SLC24A2: variants seen among roughly 807,000 people sequenced by gnomAD.
SLC24A2 encodes the protein sodium/potassium/calcium exchanger 2.
A neutral mutation model predicts 62.0 loss-of-function variants in SLC24A2; 36 were observed. The observed-to-expected ratio is 0.58, with a 90% CI of 0.44 to 0.77. The LOEUF is 0.77. SLC24A2 is among the 30% of genes least tolerant of loss of function. SLC24A2 has a pLI of 0.00. For synonymous variants in SLC24A2, 358 were observed against 294.0 expected, an observed-to-expected ratio of 1.22 and a Z score of -2.23; for missense variants, 846 against 817.9, an observed-to-expected ratio of 1.03 and a Z score of -0.42.
Position 19,662,090 on chromosome 9 carries a change from A to G in SLC24A2, c.931-39791T>C, listed in dbSNP as rs887128409. On this transcript the variant is annotated intron_variant, in intron 2 of 10. Coordinates refer to ENST00000341998, the MANE Select transcript of SLC24A2 (RefSeq NM_020344.4). ...TTTGATCTCTAGACAACTGCTGTCC[A>G]ACAGAAATAAAATGTGAACTGCACA... Among the ~76,000 whole-genome samples, 53 of 152,240 alleles carry G rather than the reference A, an allele frequency of 3.5e-4. 1 individual carries two copies. The highest frequency in any genetic ancestry group is 2.0e-4 in the Admixed American group (3 of 15,284).
At chr9:19,974,974 C>G in the SLC24A2 span, among the ~76,000 whole-genome samples, 4 of 152,236 alleles carry the variant, frequency 2.6e-5, no homozygotes, top group South Asian at 6.2e-4. Flanking sequence ...GAGGAAGGCT[C>G]CTTTTTATCA....
chr9:19,554,779 G>A (rs1317139418), intron 7 of SLC24A2, among the ~76,000 whole-genome samples: 2 of 152,124 alleles, frequency 1.3e-5, no homozygotes, highest in East Asian at 3.9e-4. Flanking sequence ...TGGGCCATGG[G>A]GTGGAGGAAC....
the SLC24A2 span, among the ~76,000 whole-genome samples, chr9:19,918,851 A>G: frequency 2.0e-5 from 3 of 152,164 alleles, no homozygotes; most frequent in Non-Finnish European, 4.4e-5. Context: ...AAGAACTTCT[A>G]GGAAACCACC....
At chr9:19,714,010 T>G (rs1476042732) in intron 2 of SLC24A2, among the ~76,000 whole-genome samples, 3 of 152,208 alleles carry the variant, frequency 2.0e-5, no homozygotes, top group Non-Finnish European at 4.4e-5. Flanking sequence ...TTAAATGAAG[T>G]TCCATAATAC....
the SLC24A2 span, among the ~76,000 whole-genome samples, chr9:19,913,385 C>T: frequency 6.6e-6 from 1 of 152,056 alleles, no homozygotes; most frequent in Non-Finnish European, 1.5e-5. Context: ...GCTGACTTGG[C>T]CAGAGTGGAT....
At chr9:20,271,752 G>C in the SLC24A2 span, among the ~76,000 whole-genome samples, 3 of 152,082 alleles carry the variant, frequency 2.0e-5, no homozygotes. Flanking sequence ...ACTCCGTTTT[G>C]TTATTAAAGA....
the SLC24A2 span, among the ~76,000 whole-genome samples, chr9:20,163,894 T>C: frequency 6.6e-6 from 1 of 152,168 alleles, no homozygotes; most frequent in Non-Finnish European, 1.5e-5. Flanking sequence ...GGATTCCCTA[T>C]TTAATAAATG....
chr9:19,717,679 C>T (rs1251677306), intron 2 of SLC24A2, among the ~76,000 whole-genome samples: 1 of 152,126 alleles, frequency 6.6e-6, no homozygotes, highest in Non-Finnish European at 1.5e-5. Flanking sequence ...TGTTCTGGGC[C>T]TAATCTATTG....
the SLC24A2 span, among the ~76,000 whole-genome samples, chr9:19,869,466 GT>G: frequency 6.6e-6 from 1 of 152,022 alleles, no homozygotes; most frequent in East Asian, 1.9e-4. Context: ...GACTACAATA[GT>G]TTTTTGTCCT....
chr9:20,239,594 A>C, the SLC24A2 span, among the ~76,000 whole-genome samples: 14 of 152,312 alleles, frequency 9.2e-5, no homozygotes, highest in Admixed American at 7.2e-4. Context: ...TAAGGGCAAT[A>C]TTGGTAGCAG....
the SLC24A2 span, among the ~76,000 whole-genome samples, chr9:20,193,272 G>A: frequency 6.6e-6 from 1 of 152,236 alleles, no homozygotes; most frequent in Admixed American, 6.5e-5. Flanking sequence ...TAGCATTAAG[G>A]CATATAAATC....
the SLC24A2 span, among the ~76,000 whole-genome samples, chr9:20,228,694 G>C: frequency 0.014 from 2,178 of 152,254 alleles, 50 homozygotes; most frequent in African/African-American, 0.05. Flanking sequence ...CAAAGATTGT[G>C]ATGACCCTTA....
At chr9:20,173,720 A>G in the SLC24A2 span, among the ~76,000 whole-genome samples, 3 of 152,124 alleles carry the variant, frequency 2.0e-5, no homozygotes, top group Non-Finnish European at 4.4e-5. Context: ...AAATGGAAAC[A>G]TGTTCCATGC....
At chr9:19,550,321 AG>A in intron 7 of SLC24A2, 53 bp from the exon 8 acceptor site, 2 of 1,579,636 alleles carry the variant, frequency 1.3e-6, no homozygotes, top group Middle Eastern at 1.7e-4. Flanking sequence ...AAATGTACAC[AG>A]GCACAACAAC....
the SLC24A2 span, among the ~76,000 whole-genome samples, chr9:20,086,306 A>T: frequency 6.6e-6 from 1 of 151,948 alleles, no homozygotes; most frequent in Non-Finnish European, 1.5e-5. Flanking sequence ...CATGGCCCGT[A>T]TTTCCAGTGC....
the SLC24A2 span, among the ~76,000 whole-genome samples, chr9:20,101,522 G>T: frequency 6.6e-6 from 1 of 152,264 alleles, no homozygotes; most frequent in Middle Eastern, 3.4e-3. Flanking sequence ...TGTTCTTGTA[G>T]AATAGTATGA....
the SLC24A2 span, chr9:19,929,992 T>A: frequency 1.3e-5 from 2 of 152,234 alleles, no homozygotes; most frequent in African/African-American, 4.8e-5. Flanking sequence ...ATATTTGTGT[T>A]TTAAGCTAAG....
the SLC24A2 span, among the ~76,000 whole-genome samples, chr9:19,853,525 T>G: frequency 6.6e-6 from 1 of 152,218 alleles, no homozygotes; most frequent in African/African-American, 2.4e-5. Flanking sequence ...GAAGGGATGT[T>G]GAATTTTATC....
the SLC24A2 span, among the ~76,000 whole-genome samples, chr9:20,094,538 CA>C: frequency 6.6e-6 from 1 of 151,970 alleles, no homozygotes; most frequent in Non-Finnish European, 1.5e-5. Flanking sequence ...AAGTTTGCAA[CA>C]ATATTAACAA....
Sources: allele counts gnomAD v4.1 joint callset (sites outside exome capture counted in the v4.1 genomes callset), GRCh38; gene constraint gnomAD v4.1.1; transcripts MANE v1.5; gene names NCBI Gene and HGNC (gene_info 2026-07-23, HGNC 2026-07-21).